DGKB: variants seen among roughly 807,000 people sequenced by gnomAD.
The protein encoded by DGKB is diacylglycerol kinase beta.
A neutral mutation model predicts 114.3 loss-of-function variants in DGKB; 67 were observed. The ratio of observed to expected loss-of-function variants is 0.59; its 90% CI spans 0.48 to 0.72. DGKB has a LOEUF of 0.72. Ranked by LOEUF, DGKB falls within the 30% of genes least tolerant of loss-of-function variation. DGKB has a pLI of 0.00. For synonymous variants in DGKB, 398 were observed against 323.1 expected (o/e 1.23, Z -2.49); for missense variants, 907 against 975.2 (o/e 0.93, Z 0.93).
intron 25 of DGKB, among the ~76,000 whole-genome samples, chr7:14,173,183 G>C (rs1218641338): frequency 6.6e-6 from 1 of 152,172 alleles, no homozygotes; most frequent in Non-Finnish European, 1.5e-5. Flanking sequence ...ACAGAATCTA[G>C]ATGGTCCTAA....
intron 21 of DGKB, among the ~76,000 whole-genome samples, chr7:14,403,236 C>G (rs1230718978): frequency 1.3e-5 from 2 of 151,710 alleles, no homozygotes; most frequent in African/African-American, 4.8e-5. Flanking sequence ...GCCTGATATT[C>G]TGGAACAGGA....
intron 25 of DGKB, among the ~76,000 whole-genome samples, chr7:14,150,555 G>T (rs1782037489): frequency 6.6e-6 from 1 of 152,046 alleles, no homozygotes; most frequent in Admixed American, 6.6e-5. Flanking sequence ...TATTCTGGAA[G>T]GATTCAGTGT....
chr7:14,580,938 T>G lies in DGKB; in HGVS notation c.1533A>C (p.Val511=), dbSNP rs200771400. The change falls in exon 19 of 26, where the codon GTA becomes GTC. Residue 511 remains valine, a synonymous_variant. Coordinates refer to ENST00000402815, the MANE Select transcript of DGKB (RefSeq NM_001350709.2). ...GAATCGCAACTGGAGGATGCTTGCCTACATTGGCCTTTTCTGCAGAATAAA... is the reference window on the plus strand; with the variant it reads ...GAATCGCAACTGGAGGATGCTTGCCGACATTGGCCTTTTCTGCAGAATAAA... ...WVLDCIEKAN[V]GKHPPVAILP... 2.5e-4 allele frequency: 407 copies of G among 1,599,620 alleles called. 2 individuals are homozygous for G. In the African/African-American group the frequency reaches 5.1e-3, roughly 20 times the overall value.
intron 21 of DGKB, among the ~76,000 whole-genome samples, chr7:14,400,170 G>A (rs1822876557): frequency 6.6e-6 from 1 of 151,776 alleles, no homozygotes; most frequent in Admixed American, 6.6e-5. Context: ...TTTAGAGTAA[G>A]GACCATGATT....
chr7:14,712,920 A>G (rs1194040113), intron 6 of DGKB, among the ~76,000 whole-genome samples: 6 of 152,108 alleles, frequency 3.9e-5, no homozygotes, highest in African/African-American at 1.4e-4. Flanking sequence ...AAAGGATCAT[A>G]TTTTTAAAAA....
chr7:14,550,839 A>G (rs1056262915), intron 20 of DGKB, among the ~76,000 whole-genome samples: 2 of 152,198 alleles, frequency 1.3e-5, no homozygotes, highest in Non-Finnish European at 2.9e-5. Context: ...CAGTTTCACT[A>G]AAGAGGTAGA....
chr7:14,937,822 T>G (rs149740995), intron 1 of DGKB, among the ~76,000 whole-genome samples: 19 of 152,284 alleles, frequency 1.2e-4, no homozygotes, highest in Non-Finnish European at 2.5e-4. Context: ...GACAACAGGA[T>G]GATGACCTTT....
At chr7:14,784,234 A>G (rs564279932) in intron 2 of DGKB, among the ~76,000 whole-genome samples, 1 of 151,818 alleles carries the variant, frequency 6.6e-6, no homozygotes, top group East Asian at 1.9e-4. Context: ...TGTGTGTTCT[A>G]TCGTCTAAGC....
intron 6 of DGKB, among the ~76,000 whole-genome samples, chr7:14,707,804 G>A (rs62448690): frequency 0.02 from 1,015 of 51,300 alleles, 3 homozygotes; most frequent in South Asian, 0.082. Context: ...ATTAGGTATC[G>A]ATGGGACGTA....
At chr7:14,571,375 T>C (rs1395923515) in intron 20 of DGKB, among the ~76,000 whole-genome samples, 1 of 152,202 alleles carries the variant, frequency 6.6e-6, no homozygotes, top group Non-Finnish European at 1.5e-5. Context: ...AACATTGTTT[T>C]ACAACTTACA....
chr7:14,366,538 G>A (rs1010339958), intron 21 of DGKB, among the ~76,000 whole-genome samples: 16 of 152,164 alleles, frequency 1.1e-4, no homozygotes, highest in Admixed American at 3.3e-4. Flanking sequence ...ATGTGTATGC[G>A]CATCCTACAA....
At chr7:14,300,712 T>C (rs964926838) in intron 23 of DGKB, among the ~76,000 whole-genome samples, 2 of 152,106 alleles carry the variant, frequency 1.3e-5, no homozygotes, top group East Asian at 1.9e-4. Context: ...CTTAAGGACA[T>C]GAAGAATCCA....
chr7:14,419,294 G>A (rs1338918369), intron 21 of DGKB, among the ~76,000 whole-genome samples: 2 of 151,868 alleles, frequency 1.3e-5, no homozygotes, highest in Non-Finnish European at 2.9e-5. Context: ...TTTAAATTTA[G>A]AGTAGAAACT....
intron 20 of DGKB, among the ~76,000 whole-genome samples, chr7:14,565,019 C>T (rs1797185163): frequency 1.3e-5 from 2 of 152,118 alleles, no homozygotes; most frequent in African/African-American, 4.8e-5. Flanking sequence ...TGAATGTCCC[C>T]TTGCAATGTA....
chr7:14,453,353 T>A (rs1831810061), intron 21 of DGKB, among the ~76,000 whole-genome samples: 1 of 152,102 alleles, frequency 6.6e-6, no homozygotes, highest in Non-Finnish European at 1.5e-5. Flanking sequence ...CCTTTTCTAA[T>A]AAAGAAATAA....
chr7:14,808,016 T>A (rs1182820737), intron 2 of DGKB, among the ~76,000 whole-genome samples: 2 of 152,062 alleles, frequency 1.3e-5, no homozygotes, highest in Non-Finnish European at 2.9e-5. Flanking sequence ...AAGATGTCAT[T>A]ATAATGACTA....
At chr7:14,266,854 A>G (rs188389251) in intron 23 of DGKB, among the ~76,000 whole-genome samples, 33 of 152,328 alleles carry the variant, frequency 2.2e-4, no homozygotes, top group African/African-American at 7.2e-4. Flanking sequence ...TTTCTTTGAT[A>G]TTAATGATCA....
intron 13 of DGKB, among the ~76,000 whole-genome samples, 192 bp from the exon 14 acceptor site, chr7:14,630,460 C>T (rs532186177): frequency 6.6e-6 from 1 of 151,946 alleles, no homozygotes; most frequent in Admixed American, 6.6e-5. Flanking sequence ...AATTATCTAA[C>T]ACAGAGTGGG....
chr7:14,686,711 A>C (rs749086778), intron 9 of DGKB, among the ~76,000 whole-genome samples: 35 of 152,262 alleles, frequency 2.3e-4, no homozygotes, highest in Admixed American at 6.5e-4. Flanking sequence ...ACAGTAACTA[A>C]TTCTTACATT....
Sources: allele counts gnomAD v4.1 joint callset (sites outside exome capture counted in the v4.1 genomes callset), GRCh38; gene constraint gnomAD v4.1.1; transcripts MANE v1.5; gene names NCBI Gene and HGNC (gene_info 2026-07-23, HGNC 2026-07-21).